DIAPH3: variants seen among roughly 807,000 people sequenced by gnomAD.
DIAPH3 encodes protein diaphanous homolog 3.
Under a neutral mutation model 144.3 loss-of-function variants are expected in DIAPH3, and 117 were observed. The observed-to-expected ratio is 0.81, with a 90% confidence interval of 0.70 to 0.95. The LOEUF (loss-of-function observed/expected upper bound fraction) is 0.95, where lower values mean the gene tolerates loss of function less well. Ranked by LOEUF, DIAPH3 falls within the 40% of genes least tolerant of loss-of-function variation. The pLI is 0.00. For missense variants in DIAPH3, 1,421 were observed against 1,412.7 expected, an observed-to-expected ratio of 1.01 and a Z score of -0.09; for synonymous variants, 519 against 488.9, an observed-to-expected ratio of 1.06 and a Z score of -0.81.
intron 21 of DIAPH3, among the ~76,000 whole-genome samples, chr13:59,865,834 T>C (rs899850133): frequency 6.6e-6 from 1 of 152,000 alleles, no homozygotes; most frequent in African/African-American, 2.4e-5. Context: ...ATGGTAATAA[T>C]TTAAATTTAA....
intron 3 of DIAPH3, among the ~76,000 whole-genome samples, chr13:60,108,094 A>C (rs1482129166): frequency 6.6e-6 from 1 of 152,218 alleles, no homozygotes; most frequent in East Asian, 1.9e-4. Flanking sequence ...TTAAGTTAGG[A>C]AGCTGCACTT....
chr13:59,719,254 T>C (rs1293330733), intron 27 of DIAPH3, among the ~76,000 whole-genome samples: 1 of 152,218 alleles, frequency 6.6e-6, no homozygotes, highest in Non-Finnish European at 1.5e-5. Context: ...ATTTGTGTGA[T>C]TTGAGTTCAA....
chr13:59,981,153 A>C (rs1345849964), intron 13 of DIAPH3, among the ~76,000 whole-genome samples: 1 of 151,380 alleles, frequency 6.6e-6, no homozygotes, highest in Non-Finnish European at 1.5e-5. Context: ...CAACTCGTAC[A>C]TATTTTAAAG....
chr13:59,899,215 C>T (rs892361341), intron 20 of DIAPH3, among the ~76,000 whole-genome samples: 19 of 152,140 alleles, frequency 1.2e-4, no homozygotes, highest in African/African-American at 4.1e-4. Flanking sequence ...TGCAGATAGC[C>T]TATTGTGGGA....
chr13:59,923,310 A>G (rs187383393), intron 18 of DIAPH3, among the ~76,000 whole-genome samples: 1 of 152,300 alleles, frequency 6.6e-6, no homozygotes, highest in African/African-American at 2.4e-5. Context: ...AAATAAAATC[A>G]TCTCTTTTAG....
At chr13:60,155,031 AT>A (rs1951955349) in intron 1 of DIAPH3, among the ~76,000 whole-genome samples, 1 of 152,238 alleles carries the variant, frequency 6.6e-6, no homozygotes, top group Non-Finnish European at 1.5e-5. Flanking sequence ...CAATAAATAT[AT>A]AAAGATTCTA....
intron 1 of DIAPH3, among the ~76,000 whole-genome samples, chr13:60,154,968 CAT>C (rs1015980495): frequency 6.6e-6 from 1 of 152,124 alleles, no homozygotes; most frequent in Non-Finnish European, 1.5e-5. Flanking sequence ...AAGTTAGACA[CAT>C]GTTAATTTAC....
chr13:59,714,231 G>A (rs927803209), intron 27 of DIAPH3, among the ~76,000 whole-genome samples: 1 of 150,702 alleles, frequency 6.6e-6, no homozygotes, highest in Admixed American at 6.6e-5. Flanking sequence ...GTAGTGGCGG[G>A]CGCCTGTAGT....
At chr13:59,774,656 G>C in intron 26 of DIAPH3, 72 bp downstream of exon 26, 1 of 1,436,482 alleles carries the variant, frequency 7.0e-7, no homozygotes, top group South Asian at 1.2e-5. Context: ...AACTTCAAAA[G>C]AATGAGAAAA....
intron 17 of DIAPH3, among the ~76,000 whole-genome samples, chr13:59,950,630 C>T (rs1594100311): frequency 6.6e-6 from 1 of 152,098 alleles, no homozygotes; most frequent in East Asian, 1.9e-4. Flanking sequence ...AAGGAGATGA[C>T]ACATAAGCCA....
At chr13:59,738,131 C>A (rs893979776) in intron 27 of DIAPH3, among the ~76,000 whole-genome samples, 3 of 152,086 alleles carry the variant, frequency 2.0e-5, no homozygotes, top group Non-Finnish European at 4.4e-5. Flanking sequence ...CACGCCACTG[C>A]ACTCCAGCCT....
At chr13:59,991,045 T>C in intron 12 of DIAPH3, 113 bp downstream of exon 12, 1 of 669,978 alleles carries the variant, frequency 1.5e-6, no homozygotes, top group Non-Finnish European at 2.6e-6. Context: ...TATGAATCAG[T>C]GTTATGACAA....
intron 4 of DIAPH3, among the ~76,000 whole-genome samples, chr13:60,048,175 C>G (rs958101124): frequency 2.0e-5 from 3 of 152,172 alleles, no homozygotes; most frequent in Admixed American, 2.0e-4. Context: ...GAGGCAAAAC[C>G]TCGCCTCTCC....
chr13:59,922,152 A>C (rs1484824055), intron 18 of DIAPH3, among the ~76,000 whole-genome samples: 2 of 152,088 alleles, frequency 1.3e-5, no homozygotes, highest in African/African-American at 4.8e-5. Flanking sequence ...GGAAGAAGAT[A>C]AGGATCTCCA....
At chr13:59,709,409 A>G (rs1250373006) in intron 27 of DIAPH3, among the ~76,000 whole-genome samples, 1 of 152,202 alleles carries the variant, frequency 6.6e-6, no homozygotes, top group Non-Finnish European at 1.5e-5. Flanking sequence ...AAAAAAACAA[A>G]CAACCCCATC....
At chr13:59,787,897 C>A (rs1456313032) in intron 25 of DIAPH3, among the ~76,000 whole-genome samples, 1 of 152,196 alleles carries the variant, frequency 6.6e-6, no homozygotes, top group African/African-American at 2.4e-5. Flanking sequence ...TTCTAGAGAG[C>A]TGCCTTTGTC....
chr13:60,091,080 A>G (rs1303709147), intron 4 of DIAPH3, among the ~76,000 whole-genome samples: 1 of 152,158 alleles, frequency 6.6e-6, no homozygotes, highest in African/African-American at 2.4e-5. Context: ...GGTTTTCTAA[A>G]CCAGTTCTAA....
chr13:60,106,923 C>A (rs1412258791), intron 3 of DIAPH3, among the ~76,000 whole-genome samples: 1 of 152,052 alleles, frequency 6.6e-6, no homozygotes, highest in Non-Finnish European at 1.5e-5. Flanking sequence ...TCAAAACTTT[C>A]AAATTCATAA....
chr13:60,018,930 T>C (rs1310690375), intron 5 of DIAPH3, among the ~76,000 whole-genome samples: 1 of 152,124 alleles, frequency 6.6e-6, no homozygotes, highest in Non-Finnish European at 1.5e-5. Flanking sequence ...GCATAAAACA[T>C]CTCCCTGTTT....
Sources: gnomAD v4.1 joint callset for allele counts (sites outside exome capture counted in the v4.1 genomes callset) on GRCh38, gnomAD v4.1.1 for gene constraint, MANE v1.5 for transcripts, NCBI Gene and HGNC (gene_info 2026-07-23, HGNC 2026-07-21) for gene names.